CNN3: variants seen among roughly 807,000 people sequenced by gnomAD.
CNN3 encodes the protein calponin-3.
A neutral mutation model predicts 39.0 loss-of-function variants in CNN3; 11 were observed. The ratio of observed to expected loss-of-function variants is 0.28; its 90% CI spans 0.18 to 0.47. The LOEUF (loss-of-function observed/expected upper bound fraction) is 0.47. CNN3 is among the 20% of genes least tolerant of loss of function. CNN3 has a pLI of 0.99. For missense variants in CNN3, 266 were observed against 403.4 expected, an observed-to-expected ratio of 0.66 and a Z score of 2.92; for synonymous variants, 101 against 138.3, an observed-to-expected ratio of 0.73 and a Z score of 1.89.
At position 94,926,621 on chromosome 1, in the gene CNN3, C is replaced by A. The variant is rs1050454640; in HGVS notation, c.57+217G>T. ...ACCGCCAGCCACTAGTCCTGTCCCA[C>A]GGCGCGGGAACAAAGCCAGGCGGGT... On this transcript the variant is annotated intron_variant, in intron 1 of 6. Transcript: ENST00000370206. The surrounding 1 kb of genome is among the most constrained non-coding windows in gnomAD (Gnocchi z 4.2). Among the ~76,000 whole-genome samples, 1 of 152,112 alleles carries A rather than the reference C, an allele frequency of 6.6e-6. No homozygotes were observed. The highest frequency in any genetic ancestry group is 1.9e-4 in the East Asian group (1 of 5,168).
At chr1:94,916,739 T>A (rs1439089744) in intron 1 of CNN3, among the ~76,000 whole-genome samples, 2 of 152,206 alleles carry the variant, frequency 1.3e-5, no homozygotes, top group Non-Finnish European at 2.9e-5. Flanking sequence ...ATTTCCACCA[T>A]GCACAAAGTT....
In CNN3 at chr1:94,903,445, G is replaced by A. The variant is rs1163917345; in HGVS notation, c.137C>T (p.Pro46Leu). ...ATCCTTTAAGCCCAGCTGGAAGTTG[G>A]GGCCAATGCTCATGCCTGTCACCTC... Reference protein sequence around the residue: ...IEEVTGMSIGPNFQLGLKDGI... With the variant: ...IEEVTGMSIGLNFQLGLKDGI... Residue 46 changes from proline to leucine, a missense_variant, in exon 2 of 7, where the codon CCC becomes CTC. Transcript: ENST00000370206. 3.1e-6 allele frequency: 5 copies of A among 1,610,112 alleles called. No individual in the cohort carries two copies. In the East Asian group the frequency reaches 8.9e-5, roughly 29 times the overall value.
chr1:94,906,920 G>A (rs1265814214), intron 1 of CNN3, among the ~76,000 whole-genome samples: 2 of 152,186 alleles, frequency 1.3e-5, no homozygotes, highest in African/African-American at 4.8e-5. Context: ...AAACCACGAA[G>A]TGACTACAGA....
chr1:94,905,468 G>A (rs918741356), intron 1 of CNN3, among the ~76,000 whole-genome samples: 6 of 152,114 alleles, frequency 3.9e-5, no homozygotes, highest in Non-Finnish European at 8.8e-5. Context: ...CCACGCCAAG[G>A]CATGAAGCTT....
chr1:94,908,729 T>C (rs1477175689), intron 1 of CNN3, among the ~76,000 whole-genome samples: 3 of 152,034 alleles, frequency 2.0e-5, no homozygotes, highest in African/African-American at 7.2e-5. Flanking sequence ...TTAGTAGAGA[T>C]GGGGTTTCGC....
intron 3 of CNN3, 118 bp downstream of exon 3, chr1:94,903,004 C>A: frequency 2.8e-6 from 2 of 706,064 alleles, no homozygotes; most frequent in East Asian, 3.0e-5. Flanking sequence ...ATGTAAAAAC[C>A]GTAATCAAAA....
intron 6 of CNN3, among the ~76,000 whole-genome samples, chr1:94,898,837 T>A (rs768347234): frequency 6.6e-6 from 1 of 152,226 alleles, no homozygotes; most frequent in Non-Finnish European, 1.5e-5. Flanking sequence ...TGTTGTTGGA[T>A]GTGAGACCTG....
intron 1 of CNN3, among the ~76,000 whole-genome samples, chr1:94,907,087 G>C (rs943117632): frequency 4.6e-5 from 7 of 152,172 alleles, no homozygotes; most frequent in African/African-American, 1.7e-4. Context: ...TTGTGGGGGG[G>C]AGCTCTGGAC....
intron 1 of CNN3, among the ~76,000 whole-genome samples, chr1:94,915,475 G>A (rs1671257944): frequency 1.3e-5 from 2 of 152,146 alleles, no homozygotes; most frequent in South Asian, 2.1e-4. Flanking sequence ...CCTCCACATC[G>A]ACAGTAAAGG....
chr1:94,920,850 T>G (rs1227746924), intron 1 of CNN3, among the ~76,000 whole-genome samples: 1 of 152,164 alleles, frequency 6.6e-6, no homozygotes, highest in East Asian at 1.9e-4. Context: ...GACCCCCAAA[T>G]TGTATAAACT....
intron 1 of CNN3, among the ~76,000 whole-genome samples, chr1:94,907,705 A>C (rs982643794): frequency 4.6e-5 from 7 of 152,096 alleles, no homozygotes; most frequent in Non-Finnish European, 4.4e-5. Context: ...CTAAAAATAC[A>C]AAAAATTAGA....
chr1:94,922,341 AT>A (rs1188428274), intron 1 of CNN3, among the ~76,000 whole-genome samples: 1 of 152,190 alleles, frequency 6.6e-6, no homozygotes, highest in Non-Finnish European at 1.5e-5. Context: ...TACAGAGTTA[AT>A]TTCTAACTTC....
intron 1 of CNN3, among the ~76,000 whole-genome samples, chr1:94,907,547 T>C (rs2101725097): frequency 6.6e-6 from 1 of 152,316 alleles, no homozygotes; most frequent in African/African-American, 2.4e-5. Context: ...CATGGAAATT[T>C]CACTCTAATT....
chr1:94,915,238 A>G (rs11165272), intron 1 of CNN3, among the ~76,000 whole-genome samples: 11,407 of 152,266 alleles, frequency 0.075, 518 homozygotes, highest in Middle Eastern at 0.099. Context: ...AAAAAGATGA[A>G]GTCAGAGGCA....
intron 4 of CNN3, 129 bp from the exon 5 acceptor site, chr1:94,901,914 A>G (rs962519982): frequency 1.4e-5 from 10 of 714,154 alleles, no homozygotes; most frequent in Non-Finnish European, 2.4e-5. Context: ...CTGTTCAATA[A>G]TATACTGCAT....
At position 94,926,824 on chromosome 1, in the gene CNN3, C is replaced by T. The variant is rs1671597467; in HGVS notation, c.57+14G>A. ...TGCCCCGGGGGCCCCCGCGCCCGCC[C>T]GAGCCAGGCGTACCTTGTTCTTGAC... On this transcript the variant is annotated intron_variant, in intron 1 of 6. Transcript: ENST00000370206. The surrounding 1 kb of genome is among the most constrained non-coding windows in gnomAD (Gnocchi z 4.2). The T allele has an allele frequency of 1.2e-6, 2 of 1,610,176 alleles. No homozygotes were observed. The highest frequency in any genetic ancestry group is 1.7e-6 in the Non-Finnish European group (2 of 1,178,264).
intron 1 of CNN3, among the ~76,000 whole-genome samples, chr1:94,921,665 T>C (rs571196174): frequency 6.6e-6 from 1 of 152,120 alleles, no homozygotes; most frequent in Non-Finnish European, 1.5e-5. Flanking sequence ...GTCATCATTG[T>C]CAAGATTGTT....
At chr1:94,901,628 TATTGAATAAGTA>T in intron 5 of CNN3, 29 bp downstream of exon 5, 9 of 1,351,794 alleles carry the variant, frequency 6.7e-6, no homozygotes, top group Non-Finnish European at 9.5e-6. Context: ...GAATTAATCA[TATTGAATAAGTA>T]ATTGAATAAG....
At chr1:94,903,338 G>C (rs1670916135) in intron 2 of CNN3, 65 bp downstream of exon 2, 1 of 1,546,954 alleles carries the variant, frequency 6.5e-7, no homozygotes, top group Non-Finnish European at 8.7e-7. Context: ...GAGAAGGAGA[G>C]TGAGAGAGAA....
Sources: gnomAD v4.1 joint callset for allele counts (sites outside exome capture counted in the v4.1 genomes callset) on GRCh38, gnomAD v4.1.1 for gene constraint, Gnocchi (gnomAD v3.1) non-coding constraint, MANE v1.5 for transcripts, NCBI Gene and HGNC (gene_info 2026-07-23, HGNC 2026-07-21) for gene names.